STIMATE: variants seen among roughly 807,000 people sequenced by gnomAD.
STIMATE encodes STIM activating enhancer, also known as store-operated calcium entry regulator STIMATE.
Under a neutral mutation model 36.7 loss-of-function variants are expected in STIMATE, and 15 were observed. The ratio of observed to expected loss-of-function variants is 0.41; its 90% CI spans 0.27 to 0.63. STIMATE has a LOEUF of 0.63. Ranked by LOEUF, STIMATE falls within the 20% of genes least tolerant of loss-of-function variation. STIMATE has a pLI of 0.32. For synonymous variants in STIMATE, 163 were observed against 162.3 expected, an observed-to-expected ratio of 1.00 and a Z score of -0.03; for missense variants, 305 against 397.3, an observed-to-expected ratio of 0.77 and a Z score of 1.98.
intron 1 of STIMATE, among the ~76,000 whole-genome samples, chr3:52,871,383 G>A (rs868464195): frequency 3.9e-5 from 6 of 152,096 alleles, no homozygotes; most frequent in Admixed American, 2.6e-4. Context: ...CAGTCAGCAA[G>A]CACCTCATCT....
chr3:52,868,037 C>G (rs954033134), intron 1 of STIMATE, among the ~76,000 whole-genome samples: 5 of 152,226 alleles, frequency 3.3e-5, no homozygotes, highest in Non-Finnish European at 1.5e-5. Flanking sequence ...GCAAATCTAT[C>G]TGCTGGAGGG....
At chr3:52,872,784 C>G (rs576135615) in intron 1 of STIMATE, among the ~76,000 whole-genome samples, 1 of 152,318 alleles carries the variant, frequency 6.6e-6, no homozygotes, top group African/African-American at 2.4e-5. Context: ...CACCACCACA[C>G]CCAGCTAATT....
At chr3:52,840,681 TG>T in intron 7 of STIMATE, 71 bp from the exon 8 acceptor site, 1 of 1,321,842 alleles carries the variant, frequency 7.6e-7, no homozygotes. Context: ...CCCTGGACCC[TG>T]GGCCCTTCAA....
chr3:52,848,428 A>G (rs1986738), intron 4 of STIMATE: 135,517 of 152,232 alleles, frequency 0.89, 62,217 homozygotes, highest in Non-Finnish European at 1. Context: ...TTAATGCTTG[A>G]TGTATCCGAA....
intron 1 of STIMATE, among the ~76,000 whole-genome samples, chr3:52,894,202 T>C (rs1006568938): frequency 1.3e-5 from 2 of 152,222 alleles, no homozygotes; most frequent in African/African-American, 4.8e-5. Flanking sequence ...AGTATCTTCA[T>C]AAGCTTGTCT....
intron 1 of STIMATE, among the ~76,000 whole-genome samples, chr3:52,877,285 C>A (rs1701516049): frequency 6.6e-6 from 1 of 152,230 alleles, no homozygotes; most frequent in African/African-American, 2.4e-5. Context: ...ATGCCTCAGC[C>A]ACCTGCCACT....
At chr3:52,850,015 G>T (rs73839525) in intron 3 of STIMATE, 102 bp from the exon 4 acceptor site, 5 of 1,461,824 alleles carry the variant, frequency 3.4e-6, no homozygotes, top group South Asian at 1.4e-5. Context: ...CCCAGCATTT[G>T]TTTGGGCCCA....
chr3:52,863,379 C>T (rs1156343204), intron 1 of STIMATE, among the ~76,000 whole-genome samples: 1 of 152,130 alleles, frequency 6.6e-6, no homozygotes, highest in African/African-American at 2.4e-5. Flanking sequence ...ATCATCAGAT[C>T]TTGTGAGACT....
intron 1 of STIMATE, 78 bp from the exon 2 acceptor site, chr3:52,855,522 A>G: frequency 6.3e-7 from 1 of 1,597,546 alleles, no homozygotes; most frequent in Non-Finnish European, 8.6e-7. Context: ...CTGGGTTATC[A>G]GTCTACTCAC....
intron 7 of STIMATE, 42 bp from the exon 8 acceptor site, chr3:52,840,652 G>A: frequency 3.2e-6 from 5 of 1,584,288 alleles, no homozygotes; most frequent in Non-Finnish European, 3.4e-6. Flanking sequence ...CCCCCAGCAG[G>A]GCCTTCTTCA....
chr3:52,842,838 G>T lies in STIMATE; in HGVS notation c.741C>A (p.Ala247=), dbSNP rs151241458. 32 of 1,614,108 alleles carry T rather than the reference G, an allele frequency of 2.0e-5. No individual in the cohort carries two copies. The highest frequency in any genetic ancestry group is 1.6e-4 in the Middle Eastern group (1 of 6,084). ...RNGSKVRYRR[A]ASHEESESEI... is the part of the protein sequence containing the mutation. Reference sequence around the variant, plus strand: ...CAGACTCAGACTCCTCGTGGGATGCGGCCCTCCGGTAGCGGACCTTGCTCC... The same window carrying T: ...CAGACTCAGACTCCTCGTGGGATGCTGCCCTCCGGTAGCGGACCTTGCTCC... Residue 247 remains alanine (A), a synonymous_variant, in exon 7 of 8, where the codon GCC becomes GCA. Transcript: ENST00000355083.
intron 1 of STIMATE, among the ~76,000 whole-genome samples, chr3:52,881,391 C>A (rs1307472755): frequency 1.3e-5 from 2 of 152,020 alleles, no homozygotes; most frequent in African/African-American, 4.8e-5. Context: ...GGTATCTGAG[C>A]CTGTTTAAAC....
chr3:52,844,510 C>A (rs987004768), intron 5 of STIMATE, among the ~76,000 whole-genome samples: 2 of 152,238 alleles, frequency 1.3e-5, no homozygotes, highest in African/African-American at 4.8e-5. Flanking sequence ...AGGTGTGTGA[C>A]AGGATGTTTG....
Position 52,837,387 on chromosome 3 carries a change from A to C in STIMATE, c.*3107T>G, listed in dbSNP as rs1409679619. 2.6e-5 allele frequency: 4 copies of C among 152,312 alleles called. No individual in the cohort carries two copies. Among genetic ancestry groups the C allele is most frequent in the African/African-American group, 9.6e-5 (4 of 41,474 alleles). The allele number at this position is 152,312 out of a possible 1,614,324, so 9.4% of individuals were successfully genotyped here. ...AGAAAGAGGCATGACAGGTGACATT[A>C]ACCCATGACTCCCTGTTGCCAGGGA... On this transcript the variant is annotated 3_prime_UTR_variant, in exon 8 of 8. Transcript: ENST00000355083.
chr3:52,869,164 G>A (rs546657296), intron 1 of STIMATE, among the ~76,000 whole-genome samples: 3 of 152,280 alleles, frequency 2.0e-5, no homozygotes, highest in East Asian at 1.9e-4. Context: ...GAGAAAAGGC[G>A]CTGGTCTGGT....
Position 52,897,529 on chromosome 3 carries a change from G to T in STIMATE, c.-79C>A. 1 of 1,181,952 alleles carries T rather than the reference G, an allele frequency of 8.5e-7. No homozygotes were observed. The highest frequency in any genetic ancestry group is 1.0e-6 in the Non-Finnish European group (1 of 956,708). 73.2% of individuals were successfully genotyped at this position (1,181,952 alleles called of 1,614,324 possible). A position where few individuals can be genotyped will look rare whatever the true frequency, so the allele number is the denominator to read the frequency against. On this transcript the variant is annotated 5_prime_UTR_variant, in exon 1 of 8. Coordinates refer to ENST00000355083, the MANE Select transcript of STIMATE (RefSeq NM_198563.5). ...CTGCCGGCGCAGCGCCGCCAAACCC[G>T]CAGCCGGGATCCCAAGCCTGAGCCG...
intron 1 of STIMATE, among the ~76,000 whole-genome samples, chr3:52,866,922 G>A (rs1701323078): frequency 6.6e-6 from 1 of 152,232 alleles, no homozygotes; most frequent in South Asian, 2.1e-4. Context: ...TAAGGGAGGT[G>A]CAGCCCAAGA....
intron 3 of STIMATE, among the ~76,000 whole-genome samples, chr3:52,850,993 T>A (rs1354302846): frequency 6.6e-6 from 1 of 152,084 alleles, no homozygotes; most frequent in Non-Finnish European, 1.5e-5. Context: ...CCTCCCAAAG[T>A]GTTGGGATTA....
intron 1 of STIMATE, among the ~76,000 whole-genome samples, chr3:52,875,539 T>C (rs1390225700): frequency 1.3e-5 from 2 of 152,182 alleles, no homozygotes; most frequent in East Asian, 3.8e-4. Context: ...CACACCATTC[T>C]AGCTGCTTAG....
Sources: allele counts gnomAD v4.1 joint callset (sites outside exome capture counted in the v4.1 genomes callset), GRCh38; gene constraint gnomAD v4.1.1; transcripts MANE v1.5; gene names NCBI Gene and HGNC (gene_info 2026-07-23, HGNC 2026-07-21).